DLC1: variants seen among roughly 807,000 people sequenced by gnomAD.
The protein encoded by DLC1 is DLC1 Rho GTPase activating protein, also known as rho GTPase-activating protein 7.
DLC1 carries 54 observed loss-of-function variants against 140.3 expected under a neutral mutation model. The ratio of observed to expected loss-of-function variants is 0.38; its 90% CI spans 0.31 to 0.48. The LOEUF (loss-of-function observed/expected upper bound fraction) is 0.48, where lower values mean the gene tolerates loss of function less well. DLC1 is among the 20% of genes least tolerant of loss of function. The probability of loss-of-function intolerance (pLI) is 0.96; values close to 1 mark genes in which losing one functional copy is unlikely to be tolerated. For synonymous variants in DLC1, 986 were observed against 728.1 expected, an observed-to-expected ratio of 1.35 and a Z score of -5.70; for missense variants, 2,536 against 1,907.0, an observed-to-expected ratio of 1.33 and a Z score of -6.14.
At position 13,115,531 on chromosome 8, in the gene DLC1, G is replaced by A. The variant is rs369849939; in HGVS notation, c.1420+55C>T. 1.2e-4 allele frequency: 183 copies of A among 1,486,702 alleles called. No homozygotes were observed. In the African/African-American group the frequency reaches 1.4e-3, roughly 11 times the overall value. The allele number at this position is 1,486,702 out of a possible 1,614,324, so 92.1% of individuals were successfully genotyped here. A position where few individuals can be genotyped will look rare whatever the true frequency, so the allele number is the denominator to read the frequency against. On this transcript the variant is annotated intron_variant, in intron 6 of 17. Transcript: ENST00000276297. ...AATAAGTCATAGATCAGTAATACTC[G>A]CGAACAAGGGATTATGATTATGCCA...
intron 2 of DLC1, among the ~76,000 whole-genome samples, chr8:13,454,138 G>C: frequency 6.6e-6 from 1 of 152,018 alleles, no homozygotes; most frequent in East Asian, 1.9e-4. Flanking sequence ...CGTGCAATTT[G>C]GCTTGTTCAT....
At chr8:13,134,642 A>G (rs550586606) in intron 5 of DLC1, among the ~76,000 whole-genome samples, 4 of 152,258 alleles carry the variant, frequency 2.6e-5, no homozygotes, top group African/African-American at 9.6e-5. Flanking sequence ...CTCTTCTCCC[A>G]TTTCCCTCAT....
intron 1 of DLC1, among the ~76,000 whole-genome samples, chr8:13,577,673 A>T (rs748821941): frequency 3.3e-5 from 5 of 152,196 alleles, no homozygotes; most frequent in Non-Finnish European, 5.9e-5. Flanking sequence ...TAAATTTTTC[A>T]TTCCTGATTG....
chr8:13,517,354 A>T (rs1369205299), upstream of DLC1, among the ~76,000 whole-genome samples: 1 of 152,174 alleles, frequency 6.6e-6, no homozygotes, highest in East Asian at 1.9e-4. Flanking sequence ...TCTGTTCACA[A>T]ATGCCTTTTA....
At chr8:13,284,596 A>G (rs929152201) in intron 5 of DLC1, among the ~76,000 whole-genome samples, 1 of 144,662 alleles carries the variant, frequency 6.9e-6, no homozygotes, top group Non-Finnish European at 1.5e-5. Context: ...ACCAACAAAC[A>G]GTTTAGAAGA....
At chr8:13,186,417 C>T (rs1456347395) in intron 5 of DLC1, among the ~76,000 whole-genome samples, 1 of 152,132 alleles carries the variant, frequency 6.6e-6, no homozygotes, top group Non-Finnish European at 1.5e-5. Context: ...ATCACTGATA[C>T]CCTTTCTTCC....
At chr8:13,346,817 C>G (rs758498660) in intron 4 of DLC1, among the ~76,000 whole-genome samples, 4 of 152,156 alleles carry the variant, frequency 2.6e-5, no homozygotes, top group African/African-American at 9.7e-5. Flanking sequence ...GTTCTATCTC[C>G]TCTTGGATCC....
chr8:13,257,972 G>A (rs922820369), intron 5 of DLC1, among the ~76,000 whole-genome samples: 2 of 152,180 alleles, frequency 1.3e-5, no homozygotes, highest in Admixed American at 1.3e-4. Flanking sequence ...AAGCCAACTT[G>A]AAATAAAATA....
chr8:13,355,359 G>A (rs1834886462), intron 4 of DLC1, among the ~76,000 whole-genome samples: 1 of 152,134 alleles, frequency 6.6e-6, no homozygotes, highest in Admixed American at 6.5e-5. Flanking sequence ...ATGGTGATGT[G>A]CGCCTGTAAT....
intron 5 of DLC1, among the ~76,000 whole-genome samples, chr8:13,176,364 G>A (rs974074484): frequency 6.6e-6 from 1 of 152,114 alleles, no homozygotes; most frequent in African/African-American, 2.4e-5. Context: ...GGATCACAAG[G>A]TCAGGAGATC....
At chr8:13,362,142 G>T (rs1244271954) in intron 4 of DLC1, among the ~76,000 whole-genome samples, 1 of 152,204 alleles carries the variant, frequency 6.6e-6, no homozygotes, top group African/African-American at 2.4e-5. Flanking sequence ...AGGCAGAGAG[G>T]AGTTGGCACA....
At chr8:13,590,128 A>G (rs1050671945) in intron 1 of DLC1, among the ~76,000 whole-genome samples, 1 of 145,534 alleles carries the variant, frequency 6.9e-6, no homozygotes, top group South Asian at 2.2e-4. Flanking sequence ...TTATTTTCCT[A>G]TGCATATATT....
chr8:13,543,853 G>A (rs989450424), intron 1 of DLC1, among the ~76,000 whole-genome samples: 3 of 152,064 alleles, frequency 2.0e-5, no homozygotes, highest in Non-Finnish European at 4.4e-5. Flanking sequence ...AGGGGAGGGC[G>A]AGTGGGAAGT....
chr8:13,318,865 G>A (rs1030713649), intron 4 of DLC1, among the ~76,000 whole-genome samples: 2 of 152,210 alleles, frequency 1.3e-5, no homozygotes, highest in East Asian at 3.8e-4. Flanking sequence ...ACAGAGTAAA[G>A]GGAGAAATCA....
chr8:13,406,815 G>A (rs1013522831), intron 2 of DLC1, among the ~76,000 whole-genome samples: 2 of 152,134 alleles, frequency 1.3e-5, no homozygotes, highest in South Asian at 2.1e-4. Context: ...TTTAGTGCCT[G>A]TTTAGAACAT....
At chr8:13,453,266 T>C (rs1799152860) in intron 2 of DLC1, among the ~76,000 whole-genome samples, 1 of 147,738 alleles carries the variant, frequency 6.8e-6, no homozygotes, top group Admixed American at 6.8e-5. Flanking sequence ...AAGATTCATT[T>C]TATCAAAAAA....
intron 5 of DLC1, among the ~76,000 whole-genome samples, chr8:13,228,520 A>T (rs1300994152): frequency 1.3e-5 from 2 of 152,074 alleles, no homozygotes; most frequent in African/African-American, 4.8e-5. Flanking sequence ...AGGTGGGAGG[A>T]TTGGGAGGAG....
chr8:13,510,118 A>G (rs1040945247), intron 1 of DLC1, among the ~76,000 whole-genome samples: 3 of 152,072 alleles, frequency 2.0e-5, no homozygotes, highest in Non-Finnish European at 4.4e-5. Context: ...TGATATTTCA[A>G]TATAGATGAG....
chr8:13,102,695 A>G, intron 8 of DLC1, 95 bp downstream of exon 8: 4 of 1,099,194 alleles, frequency 3.6e-6, no homozygotes, highest in Non-Finnish European at 5.6e-6. Context: ...CAACAAACTA[A>G]GAGTTGGAGA....
Sources: allele counts gnomAD v4.1 joint callset (sites outside exome capture counted in the v4.1 genomes callset), GRCh38; gene constraint gnomAD v4.1.1; transcripts MANE v1.5; gene names NCBI Gene and HGNC (gene_info 2026-07-23, HGNC 2026-07-21).